Variants in LOC122539214 observed in about 807,000 individuals in gnomAD.
the LOC122539214 span, among the ~76,000 whole-genome samples, chr19:52,659,567 T>C: frequency 6.8e-6 from 1 of 148,114 alleles, no homozygotes; most frequent in Non-Finnish European, 1.5e-5. Flanking sequence ...CCACAGCTAA[T>C]GCTCTCTTGT....
chr19:52,651,631 C>G, the LOC122539214 span: 4 of 138,894 alleles, frequency 2.9e-5, no homozygotes. Context: ...TGCAGTGAAC[C>G]AAGATTGTGC....
the LOC122539214 span, among the ~76,000 whole-genome samples, chr19:52,689,342 A>T: frequency 3.2e-4 from 48 of 151,804 alleles, no homozygotes; most frequent in Non-Finnish European, 4.9e-4. Context: ...CTCCCATCTC[A>T]GCGCCTCCTC....
chr19:52,689,327 C>T, the LOC122539214 span, among the ~76,000 whole-genome samples: 3 of 152,120 alleles, frequency 2.0e-5, no homozygotes, highest in Non-Finnish European at 4.4e-5. Flanking sequence ...ATATTTCCGC[C>T]TCTTCTCCCA....
At chr19:52,672,300 G>A in the LOC122539214 span, among the ~76,000 whole-genome samples, 3 of 152,274 alleles carry the variant, frequency 2.0e-5, no homozygotes, top group Admixed American at 6.5e-5. Context: ...ATACTTTTAT[G>A]ACTATATCTG....
At chr19:52,665,506 TAG>T in the LOC122539214 span, among the ~76,000 whole-genome samples, 1 of 152,238 alleles carries the variant, frequency 6.6e-6, no homozygotes. Flanking sequence ...CTGCACTTGT[TAG>T]ATATGAGTTC....
the LOC122539214 span, among the ~76,000 whole-genome samples, chr19:52,679,430 A>G: frequency 0.83 from 125,916 of 152,112 alleles, 52,772 homozygotes; most frequent in African/African-American, 0.96. Context: ...GGGCACCAAG[A>G]TGAAACTCCG....
At chr19:52,679,952 G>A in the LOC122539214 span, among the ~76,000 whole-genome samples, 3 of 152,152 alleles carry the variant, frequency 2.0e-5, no homozygotes, top group East Asian at 1.9e-4. Context: ...AGGCTGAGGC[G>A]GGTGGATCAC....
the LOC122539214 span, among the ~76,000 whole-genome samples, chr19:52,673,995 AAC>A: frequency 6.8e-6 from 1 of 146,396 alleles, no homozygotes; most frequent in African/African-American, 2.5e-5. Flanking sequence ...CAGCCTGGGT[AAC>A]AGAGTGAGAC....
At chr19:52,662,521 ATCTGAG>A in the LOC122539214 span, among the ~76,000 whole-genome samples, 1 of 152,124 alleles carries the variant, frequency 6.6e-6, no homozygotes, top group African/African-American at 2.4e-5. Context: ...GTTCAAGATG[ATCTGAG>A]TCTAATTACC....
At chr19:52,664,268 G>T in the LOC122539214 span, among the ~76,000 whole-genome samples, 15 of 151,840 alleles carry the variant, frequency 9.9e-5, no homozygotes, top group South Asian at 2.1e-4. Context: ...GGCCGATGCG[G>T]CTGGATCCCT....
At chr19:52,687,181 CAAAA>C in the LOC122539214 span, among the ~76,000 whole-genome samples, 1 of 104,338 alleles carries the variant, frequency 9.6e-6, no homozygotes. Context: ...AACTCCATCT[CAAAA>C]AAAAAAAAAA....
the LOC122539214 span, among the ~76,000 whole-genome samples, chr19:52,667,831 G>T: frequency 1.3e-5 from 2 of 152,070 alleles, no homozygotes; most frequent in Non-Finnish European, 2.9e-5. Flanking sequence ...TGTCTACAAG[G>T]TTTTATTAAA....
the LOC122539214 span, among the ~76,000 whole-genome samples, chr19:52,656,757 T>C: frequency 1.3e-5 from 2 of 150,892 alleles, no homozygotes; most frequent in Non-Finnish European, 2.9e-5. Context: ...CCCCAGCTAC[T>C]CAGGAGGCTG....
At chr19:52,686,125 C>G in the LOC122539214 span, among the ~76,000 whole-genome samples, 1 of 152,242 alleles carries the variant, frequency 6.6e-6, no homozygotes, top group Non-Finnish European at 1.5e-5. Flanking sequence ...TAAAAGGTCA[C>G]TGACATCTTT....
chr19:52,690,039 A>T, the LOC122539214 span, among the ~76,000 whole-genome samples: 25 of 152,148 alleles, frequency 1.6e-4, no homozygotes, highest in East Asian at 5.8e-4. Flanking sequence ...GGCAGAGGAC[A>T]CGGCCTCCCC....
chr19:52,671,044 A>G, the LOC122539214 span, among the ~76,000 whole-genome samples: 2 of 152,206 alleles, frequency 1.3e-5, no homozygotes, highest in Admixed American at 1.3e-4. Context: ...TAGGGCCTAG[A>G]AGAAAAAGAT....
the LOC122539214 span, among the ~76,000 whole-genome samples, chr19:52,659,613 C>CAA: frequency 0.03 from 3,462 of 114,226 alleles, 205 homozygotes; most frequent in African/African-American, 0.1. Flanking sequence ...GACTCCAACT[C>CAA]AAAAAAAAAA....
chr19:52,664,691 A>G, the LOC122539214 span, among the ~76,000 whole-genome samples: 12 of 140,186 alleles, frequency 8.6e-5, no homozygotes, highest in African/African-American at 3.1e-4. Flanking sequence ...GAAGGGATGC[A>G]GATTAAGTGG....
the LOC122539214 span, among the ~76,000 whole-genome samples, chr19:52,653,543 CTT>C: frequency 6.6e-6 from 1 of 151,958 alleles, no homozygotes; most frequent in African/African-American, 2.4e-5. Flanking sequence ...CAACTGTAAA[CTT>C]TGTCACATCC....
Sources: allele counts gnomAD v4.1 joint callset (sites outside exome capture counted in the v4.1 genomes callset), GRCh38; gene constraint gnomAD v4.1.1; transcripts MANE v1.5.